The following INSC variants were observed in gnomAD, a reference collection of about 807,000 sequenced individuals.
The protein encoded by INSC is protein inscuteable homolog.
INSC carries 67 observed loss-of-function variants against 58.6 expected under a neutral mutation model. That is an observed-to-expected ratio of 1.14 (90% confidence interval 0.94 to 1.40). The LOEUF (loss-of-function observed/expected upper bound fraction) is 1.40, where lower values mean the gene tolerates loss of function less well. Among genes scored for constraint, INSC ranks in the 40% most tolerant of loss-of-function variants. The probability of loss-of-function intolerance (pLI) is 0.00; values close to 1 mark genes in which losing one functional copy is unlikely to be tolerated. For synonymous variants in INSC, 262 were observed against 276.1 expected (o/e 0.95, Z 0.51); for missense variants, 714 against 692.0 (o/e 1.03, Z -0.36).
At chr11:15,237,432 A>G (rs1400538103) in intron 10 of INSC, among the ~76,000 whole-genome samples, 1 of 152,238 alleles carries the variant, frequency 6.6e-6, no homozygotes, top group Admixed American at 6.5e-5. Context: ...GAGGATTAAC[A>G]TGAAGCACGT....
intron 5 of INSC, among the ~76,000 whole-genome samples, chr11:15,185,390 T>G (rs1849928362): frequency 6.6e-6 from 1 of 152,116 alleles, no homozygotes; most frequent in African/African-American, 2.4e-5. Flanking sequence ...ATAAAAAGCC[T>G]CATTCATCTC....
At chr11:15,172,318 C>T (rs1309267207) in intron 2 of INSC, among the ~76,000 whole-genome samples, 1 of 152,178 alleles carries the variant, frequency 6.6e-6, no homozygotes. Flanking sequence ...TCGGGGCACT[C>T]TCTGTGTAGC....
chr11:15,236,913 C>G (rs974930140), intron 10 of INSC, among the ~76,000 whole-genome samples: 4 of 152,176 alleles, frequency 2.6e-5, no homozygotes, highest in Non-Finnish European at 5.9e-5. Context: ...TAATGAGAAA[C>G]TTTGCTGAGC....
chr11:15,117,674 G>T (rs1847764081), intron 1 of INSC, among the ~76,000 whole-genome samples: 3 of 152,160 alleles, frequency 2.0e-5, no homozygotes. Flanking sequence ...TGAAAAACCA[G>T]CAATTAAGCA....
At chr11:15,200,767 G>A (rs1850551664) in intron 6 of INSC, 57 bp from the exon 7 acceptor site, 2 of 1,607,656 alleles carry the variant, frequency 1.2e-6, no homozygotes, top group Admixed American at 3.4e-5. Context: ...TTATTCTTGA[G>A]TTAGCCCCAG....
intron 6 of INSC, among the ~76,000 whole-genome samples, chr11:15,197,633 T>G (rs1268189639): frequency 6.6e-6 from 1 of 152,190 alleles, no homozygotes; most frequent in Admixed American, 6.5e-5. Context: ...GGGCAACCTG[T>G]CTGAGGCTTG....
chr11:15,114,042 G>C (rs1392247703), upstream of INSC, among the ~76,000 whole-genome samples: 1 of 151,966 alleles, frequency 6.6e-6, no homozygotes, highest in Non-Finnish European at 1.5e-5. Context: ...AGGGAGACCA[G>C]GGGCTGCCTT....
At chr11:15,121,494 G>A (rs1382068718) in intron 1 of INSC, among the ~76,000 whole-genome samples, 1 of 152,144 alleles carries the variant, frequency 6.6e-6, no homozygotes, top group East Asian at 1.9e-4. Flanking sequence ...CATGATGTGG[G>A]GATTGTCCCA....
At chr11:15,172,128 T>C (rs1347421674) in intron 2 of INSC, among the ~76,000 whole-genome samples, 1 of 152,204 alleles carries the variant, frequency 6.6e-6, no homozygotes, top group Non-Finnish European at 1.5e-5. Flanking sequence ...GCTGGAAAGA[T>C]AATGTAACAG....
intron 1 of INSC, among the ~76,000 whole-genome samples, chr11:15,147,355 G>A (rs558895064): frequency 1.3e-5 from 2 of 152,298 alleles, no homozygotes; most frequent in Admixed American, 6.5e-5. Flanking sequence ...TGTGTGACCT[G>A]CTGTATCTCA....
At chr11:15,236,705 A>G (rs765376840) in intron 10 of INSC, among the ~76,000 whole-genome samples, 2 of 152,212 alleles carry the variant, frequency 1.3e-5, no homozygotes, top group Non-Finnish European at 2.9e-5. Context: ...TAAGGGAGCA[A>G]TTAGCAACCG....
At chr11:15,243,578 T>C (rs956750727) in intron 12 of INSC, among the ~76,000 whole-genome samples, 5 of 151,724 alleles carry the variant, frequency 3.3e-5, no homozygotes, top group African/African-American at 1.2e-4. Flanking sequence ...GAGGAGGGGG[T>C]GCTCTGAGCT....
rs1223277756 is a variant in INSC at position 15,153,643 on chromosome 11, G to A, written c.56+4413G>A. On this transcript the variant is annotated intron_variant, in intron 2 of 12. Coordinates refer to ENST00000379556, the MANE Select transcript of INSC (RefSeq NM_001042536.3). The stretch of plus-strand genomic sequence containing the variant: ...AAAGAGAAATCCACAGAAACATAGG[G>A]TGTGACCCTGAGAAGGCAGAGGGAC... 5.3e-5 allele frequency among the ~76,000 whole-genome samples: 8 copies of A among 152,342 alleles called. No individual in the cohort carries two copies. In the East Asian group the frequency reaches 1.5e-3, roughly 29 times the overall value.
At chr11:15,141,577 C>T (rs1848372791) in intron 1 of INSC, among the ~76,000 whole-genome samples, 2 of 152,134 alleles carry the variant, frequency 1.3e-5, no homozygotes, top group South Asian at 2.1e-4. Context: ...TCATGAGGCT[C>T]AGTTCATTCA....
chr11:15,242,178 A>G (rs1852380571), intron 12 of INSC, among the ~76,000 whole-genome samples: 1 of 152,246 alleles, frequency 6.6e-6, no homozygotes, highest in African/African-American at 2.4e-5. Flanking sequence ...CTGACACTGA[A>G]TAGGCCCTGA....
chr11:15,138,687 A>G (rs1848302380), intron 1 of INSC, among the ~76,000 whole-genome samples: 1 of 152,224 alleles, frequency 6.6e-6, no homozygotes, highest in African/African-American at 2.4e-5. Flanking sequence ...CTTCTTATGG[A>G]GTACCATTAA....
chr11:15,170,607 G>T (rs1849363511), intron 2 of INSC, among the ~76,000 whole-genome samples: 1 of 152,066 alleles, frequency 6.6e-6, no homozygotes, highest in Non-Finnish European at 1.5e-5. Context: ...TGATCACTTG[G>T]TTAAAATAGC....
chr11:15,115,970 C>G (rs973628623), intron 1 of INSC, among the ~76,000 whole-genome samples: 1 of 152,158 alleles, frequency 6.6e-6, no homozygotes, highest in Admixed American at 6.5e-5. Context: ...ACAATGGGTC[C>G]AAGAAACTGG....
intron 6 of INSC, among the ~76,000 whole-genome samples, chr11:15,197,017 T>G (rs1850397031): frequency 6.6e-6 from 1 of 152,238 alleles, no homozygotes; most frequent in South Asian, 2.1e-4. Flanking sequence ...CCATGCCCAT[T>G]GTTTACTCAG....
Sources: allele counts gnomAD v4.1 joint callset (sites outside exome capture counted in the v4.1 genomes callset), GRCh38; gene constraint gnomAD v4.1.1; transcripts MANE v1.5; gene names NCBI Gene and HGNC (gene_info 2026-07-23, HGNC 2026-07-21).